The following RBPJ variants were observed in gnomAD, a reference collection of about 807,000 sequenced individuals.
RBPJ encodes the protein recombining binding protein suppressor of hairless.
Under a neutral mutation model 67.8 loss-of-function variants are expected in RBPJ, and 9 were observed. That is an observed-to-expected ratio of 0.13 (90% confidence interval 0.08 to 0.23). The LOEUF is 0.23. Ranked by LOEUF, RBPJ falls within the 10% of genes least tolerant of loss-of-function variation. The pLI, the probability that RBPJ is intolerant of heterozygous loss-of-function variation, is 1.00. For synonymous variants in RBPJ, 198 were observed against 203.3 expected, an observed-to-expected ratio of 0.97 and a Z score of 0.22; for missense variants, 305 against 595.6, an observed-to-expected ratio of 0.51 and a Z score of 5.08.
chr4:26,273,415 G>A (rs1267985847), intron 1 of RBPJ, among the ~76,000 whole-genome samples: 3 of 152,256 alleles, frequency 2.0e-5, no homozygotes, highest in Middle Eastern at 3.2e-3. Context: ...CTGTCTGCCT[G>A]GCGACCTCCC....
intron 3 of RBPJ, among the ~76,000 whole-genome samples, chr4:26,407,052 T>C (rs1020002522): frequency 3.3e-5 from 5 of 152,246 alleles, no homozygotes; most frequent in Non-Finnish European, 5.9e-5. Context: ...AAATCCCTGA[T>C]CTTACAAAAT....
intron 1 of RBPJ, among the ~76,000 whole-genome samples, chr4:26,358,020 C>CGTGT (rs4069724): frequency 0.071 from 10,244 of 144,852 alleles, 492 homozygotes; most frequent in African/African-American, 0.13. Context: ...AGGGGGTATT[C>CGTGT]GTGTGTGTGT....
At chr4:26,115,604 T>C in the RBPJ span, among the ~76,000 whole-genome samples, 1 of 152,186 alleles carries the variant, frequency 6.6e-6, no homozygotes, top group Non-Finnish European at 1.5e-5. Flanking sequence ...CAGGATGGTC[T>C]CGATTTCCTG....
intron 5 of RBPJ, among the ~76,000 whole-genome samples, chr4:26,422,260 G>C (rs746173415): frequency 2.0e-5 from 3 of 150,878 alleles, no homozygotes. Context: ...TTCAGCTGTT[G>C]TAAGTCTATT....
the RBPJ span, among the ~76,000 whole-genome samples, chr4:26,132,602 C>A: frequency 3.7e-3 from 560 of 152,306 alleles, 4 homozygotes; most frequent in African/African-American, 0.013. Context: ...TCTCTCTCTG[C>A]CCCAGGACTC....
rs1345265130 is a variant in RBPJ at position 26,338,062 on chromosome 4, G to A, written c.20+17014G>A. ...TTAAAATTTTTAGGTAGGCAGGTTT[G>A]TAGTTTTTCTTTTGGCTTTGTGTTT... On this transcript the variant is annotated intron_variant, in intron 1 of 10. Transcript: ENST00000355476. Among the ~76,000 whole-genome samples, 14 of 130,370 alleles carry A rather than the reference G, an allele frequency of 1.1e-4. 1 individual carries two copies. Among genetic ancestry groups the A allele is most frequent in the African/African-American group, 3.9e-4 (14 of 35,470 alleles). 85.5% of individuals were successfully genotyped at this position (130,370 alleles called of 152,430 possible). A position where few individuals can be genotyped will look rare whatever the true frequency, so the allele number is the denominator to read the frequency against.
At chr4:26,113,453 AC>A in the RBPJ span, 1 of 552,932 alleles carries the variant, frequency 1.8e-6, no homozygotes, top group Non-Finnish European at 3.5e-6. Context: ...ACCACACCTT[AC>A]CAACCATCAG....
chr4:26,127,829 C>T, the RBPJ span, among the ~76,000 whole-genome samples: 2 of 152,304 alleles, frequency 1.3e-5, no homozygotes, highest in South Asian at 4.1e-4. Context: ...AAGAGGTTGG[C>T]CTCCCAGCCA....
chr4:26,380,586 T>G (rs936168426), intron 1 of RBPJ, among the ~76,000 whole-genome samples: 2 of 152,152 alleles, frequency 1.3e-5, no homozygotes, highest in Admixed American at 6.5e-5. Flanking sequence ...CCTATTTGTT[T>G]TCTTCTTCTG....
chr4:26,240,185 C>T (rs755993918), intron 1 of RBPJ, among the ~76,000 whole-genome samples: 3 of 152,172 alleles, frequency 2.0e-5, no homozygotes, highest in African/African-American at 4.8e-5. Context: ...ACCCCAACAT[C>T]GCATGAGGCC....
the RBPJ span, among the ~76,000 whole-genome samples, chr4:26,114,194 C>T: frequency 6.6e-5 from 10 of 152,170 alleles, no homozygotes; most frequent in East Asian, 1.9e-4. Context: ...CGTGTTGGCT[C>T]ATGCCTGTAA....
chr4:26,107,596 C>T, the RBPJ span, among the ~76,000 whole-genome samples: 1 of 152,184 alleles, frequency 6.6e-6, no homozygotes, highest in Admixed American at 6.5e-5. Context: ...CCAACGTGGC[C>T]CTCAGATGCT....
At chr4:26,209,271 A>G (rs1228698947) in intron 1 of RBPJ, among the ~76,000 whole-genome samples, 1 of 151,968 alleles carries the variant, frequency 6.6e-6, no homozygotes, top group Admixed American at 6.6e-5. Flanking sequence ...CCAAAATATG[A>G]TCTTTGCTGA....
At chr4:26,316,434 T>C (rs969454093), upstream of RBPJ, among the ~76,000 whole-genome samples, 4 of 143,566 alleles carry the variant, frequency 2.8e-5, no homozygotes, top group East Asian at 4.0e-4. Context: ...CATTCATATA[T>C]ACATTCATAT....
At chr4:26,278,564 T>C (rs1220208234) in intron 1 of RBPJ, among the ~76,000 whole-genome samples, 1 of 152,218 alleles carries the variant, frequency 6.6e-6, no homozygotes, top group Non-Finnish European at 1.5e-5. Flanking sequence ...GCTATCGGTT[T>C]TCTACAACTT....
intron 1 of RBPJ, among the ~76,000 whole-genome samples, chr4:26,291,616 G>A (rs549618476): frequency 2.7e-5 from 4 of 149,336 alleles, no homozygotes; most frequent in African/African-American, 7.4e-5. Context: ...TCGCTCTGTC[G>A]CCCAGGCCAG....
intron 3 of RBPJ, among the ~76,000 whole-genome samples, chr4:26,408,899 A>G (rs761808609): frequency 6.6e-6 from 1 of 152,226 alleles, no homozygotes; most frequent in Admixed American, 6.5e-5. Context: ...GATCCTTTAA[A>G]TACTTAAACT....
At chr4:26,130,778 T>C in the RBPJ span, among the ~76,000 whole-genome samples, 1 of 152,228 alleles carries the variant, frequency 6.6e-6, no homozygotes, top group Non-Finnish European at 1.5e-5. Flanking sequence ...CCTGAAAATG[T>C]ACAAATATAA....
chr4:26,314,660 A>G (rs2109309589), upstream of RBPJ, among the ~76,000 whole-genome samples: 1 of 152,236 alleles, frequency 6.6e-6, no homozygotes, highest in South Asian at 2.1e-4. Flanking sequence ...GCTGTCTGCC[A>G]TGAGTAAAAG....
Sources: allele counts gnomAD v4.1 joint callset (sites outside exome capture counted in the v4.1 genomes callset), GRCh38; gene constraint gnomAD v4.1.1; transcripts MANE v1.5; gene names NCBI Gene and HGNC (gene_info 2026-07-23, HGNC 2026-07-21).